SERINC5: variants seen among roughly 807,000 people sequenced by gnomAD.
SERINC5 encodes the protein serine incorporator 5.
Under a neutral mutation model 63.1 loss-of-function variants are expected in SERINC5, and 41 were observed. That is an observed-to-expected ratio of 0.65 (90% CI 0.51 to 0.84). The LOEUF (loss-of-function observed/expected upper bound fraction) is 0.84, where lower values mean the gene tolerates loss of function less well. SERINC5 is among the 40% of genes least tolerant of loss of function. The probability of loss-of-function intolerance (pLI) is 0.00; values close to 1 mark genes in which losing one functional copy is unlikely to be tolerated. For synonymous variants in SERINC5, 222 were observed against 215.2 expected, an observed-to-expected ratio of 1.03 and a Z score of -0.28; for missense variants, 523 against 573.0, an observed-to-expected ratio of 0.91 and a Z score of 0.89.
intron 4 of SERINC5, among the ~76,000 whole-genome samples, chr5:80,175,742 T>C (rs1237201843): frequency 1.3e-5 from 2 of 150,138 alleles, no homozygotes; most frequent in Non-Finnish European, 3.0e-5. Flanking sequence ...CGGGTGCCTG[T>C]AATCCCATCT....
intron 7 of SERINC5, among the ~76,000 whole-genome samples, chr5:80,160,396 G>A (rs114526382): frequency 8.4e-4 from 128 of 152,214 alleles, no homozygotes; most frequent in African/African-American, 2.4e-3. Context: ...CCCAACCTAG[G>A]TCTGACTGCC....
intron 11 of SERINC5, among the ~76,000 whole-genome samples, chr5:80,126,349 TC>T (rs1297138419): frequency 2.0e-5 from 3 of 152,212 alleles, no homozygotes; most frequent in African/African-American, 7.2e-5. Flanking sequence ...AATTTGAAGT[TC>T]CCTGCCAAAG....
chr5:80,157,738 C>T (rs1746632649), intron 8 of SERINC5: 1 of 152,170 alleles, frequency 6.6e-6, no homozygotes, highest in Non-Finnish European at 1.5e-5. Flanking sequence ...TACCACAGTC[C>T]ATTCTGCAAC....
chr5:80,114,400 T>A, intron 11 of SERINC5: 1 of 155,216 alleles, frequency 6.4e-6, no homozygotes, highest in Non-Finnish European at 1.4e-5. Flanking sequence ...ACACCTATAA[T>A]CCCAGCACTT....
chr5:80,249,031 C>T (rs921232373), intron 1 of SERINC5, among the ~76,000 whole-genome samples: 1 of 152,156 alleles, frequency 6.6e-6, no homozygotes, highest in Non-Finnish European at 1.5e-5. Context: ...AAGAAACCAT[C>T]AGGCCGGGTA....
intron 7 of SERINC5, among the ~76,000 whole-genome samples, chr5:80,159,880 A>G (rs947746297): frequency 4.6e-5 from 7 of 152,242 alleles, no homozygotes; most frequent in Non-Finnish European, 8.8e-5. Flanking sequence ...GAGACAGCTC[A>G]GGACCCTTTG....
At chr5:80,206,519 C>T (rs1001046793) in intron 1 of SERINC5, among the ~76,000 whole-genome samples, 1 of 152,182 alleles carries the variant, frequency 6.6e-6, no homozygotes, top group African/African-American at 2.4e-5. Context: ...TTCTTCTTGA[C>T]TCACAAAACT....
intron 11 of SERINC5, among the ~76,000 whole-genome samples, chr5:80,131,162 G>C (rs570724673): frequency 1.5e-4 from 23 of 152,238 alleles, no homozygotes; most frequent in South Asian, 2.1e-4. Flanking sequence ...TGTGTCATGG[G>C]GGGGACCTGG....
intron 1 of SERINC5, among the ~76,000 whole-genome samples, chr5:80,206,007 C>A (rs921341888): frequency 2.2e-4 from 32 of 146,232 alleles, no homozygotes; most frequent in Non-Finnish European, 4.3e-4. Context: ...CTCAAGACTT[C>A]TCGTTTATAA....
chr5:80,164,912 T>TTTG (rs1359992591), intron 7 of SERINC5, among the ~76,000 whole-genome samples: 6 of 45,502 alleles, frequency 1.3e-4, no homozygotes, highest in South Asian at 6.7e-4. Context: ...TTTTTTCTGT[T>TTTG]TTTTTTTTTT....
chr5:80,152,192 AC>A (rs1394691225), intron 8 of SERINC5, among the ~76,000 whole-genome samples: 6 of 152,148 alleles, frequency 3.9e-5, no homozygotes, highest in African/African-American at 1.2e-4. Flanking sequence ...GGAACACAAC[AC>A]CTAATCCGAC....
At chr5:80,112,075 C>A (rs2112212803) in intron 12 of SERINC5, among the ~76,000 whole-genome samples, 1 of 152,338 alleles carries the variant, frequency 6.6e-6, no homozygotes, top group South Asian at 2.1e-4. Context: ...ACTGAGACAG[C>A]CTGAGATATG....
At position 80,202,918 on chromosome 5, in the gene SERINC5, A is replaced by C. The variant is rs928224799; in HGVS notation, c.163T>G (p.Ser55Ala). 1 of 1,612,332 alleles carries C rather than the reference A, an allele frequency of 6.2e-7. No individual in the cohort carries two copies. The highest frequency in any genetic ancestry group is 8.5e-7 in the Non-Finnish European group (1 of 1,178,634). The change falls in exon 2 of 12, where the codon TCA becomes GCA. Residue 55 changes from serine (S) to alanine (A), a missense_variant. Ser to Ala is a moderately conservative substitution (Grantham distance 99). Transcript: ENST00000507668. ...LVVVLCCIMM[S>A]TTVAHKMKEH... ...TTCATCTTGTGAGCCACGGTTGTTG[A>C]CATCATGATGCAGCAGAGGACGACG...
At position 80,169,652 on chromosome 5, in the gene SERINC5, C is replaced by G. The variant is rs57083424; in HGVS notation, c.552-106G>C. The G allele has an allele frequency of 5.1e-4, 400 of 787,560 alleles. 2 individuals carry two copies. The African/African-American group carries it at 6.4e-3, about 13-fold the overall frequency. 48.8% of individuals were successfully genotyped at this position (787,560 alleles called of 1,614,324 possible). A position where few individuals can be genotyped will look rare whatever the true frequency, so the allele number is the denominator to read the frequency against. On this transcript the variant is annotated intron_variant, in intron 5 of 11. Coordinates refer to ENST00000507668, the MANE Select transcript of SERINC5 (RefSeq NM_001174072.3). ...ATCCCTCAGGCAGTAACTAATGCTACAGGCCACAGGCACTGGTACCCAGCT... is the reference window on the plus strand; with the variant it reads ...ATCCCTCAGGCAGTAACTAATGCTAGAGGCCACAGGCACTGGTACCCAGCT...
intron 11 of SERINC5, among the ~76,000 whole-genome samples, 195 bp downstream of exon 11, chr5:80,145,895 A>G (rs1227261458): frequency 6.6e-6 from 1 of 152,232 alleles, no homozygotes; most frequent in African/African-American, 2.4e-5. Flanking sequence ...ATGTAATCCC[A>G]GCTACTCGGG....
At chr5:80,166,296 C>G (rs1747296640) in intron 7 of SERINC5, 87 bp downstream of exon 7, 1 of 939,566 alleles carries the variant, frequency 1.1e-6, no homozygotes, top group African/African-American at 1.6e-5. Flanking sequence ...ATCTCCAAGG[C>G]CTCTCCAATA....
intron 7 of SERINC5, among the ~76,000 whole-genome samples, chr5:80,160,693 C>CCCT (rs1746825992): frequency 6.6e-6 from 1 of 151,582 alleles, no homozygotes; most frequent in African/African-American, 2.4e-5. Flanking sequence ...ACCATCCATC[C>CCCT]CCTCCCTCCT....
chr5:80,222,084 G>A (rs936211647), intron 1 of SERINC5, among the ~76,000 whole-genome samples: 4 of 152,080 alleles, frequency 2.6e-5, no homozygotes, highest in African/African-American at 9.7e-5. Flanking sequence ...GGAGGTGGAG[G>A]TTGCAGTGAG....
chr5:80,150,933 T>G lies in SERINC5; in HGVS notation c.1002A>C (p.Thr334=), dbSNP rs773962540. The G allele has an allele frequency of 6.2e-7, 1 of 1,613,326 alleles. No homozygotes were observed. The highest frequency in any genetic ancestry group is 8.5e-7 in the Non-Finnish European group (1 of 1,179,254). The change falls in exon 9 of 12, where the codon ACA becomes ACC. Residue 334 remains threonine (T), a synonymous_variant. Coordinates refer to ENST00000507668, the MANE Select transcript of SERINC5 (RefSeq NM_001174072.3). ...CILYSCLTST[T]RSSSDALQGR... is the part of the protein sequence containing the mutation. ...CCTGCAGAGCGTCAGAACTCGATCT[T>G]GTTGTTGATGTCAAACTAAGAAACA...
Sources: gnomAD v4.1 joint callset for allele counts (sites outside exome capture counted in the v4.1 genomes callset) on GRCh38, gnomAD v4.1.1 for gene constraint, MANE v1.5 for transcripts, NCBI Gene and HGNC (gene_info 2026-07-23, HGNC 2026-07-21) for gene names.